The following HECTD4 variants were observed in gnomAD, a reference collection of about 807,000 sequenced individuals.
HECTD4 encodes HECT domain E3 ubiquitin protein ligase 4, also known as probable E3 ubiquitin-protein ligase HECTD4.
Under a neutral mutation model 471.5 loss-of-function variants are expected in HECTD4, and 114 were observed. That is an observed-to-expected ratio of 0.24 (90% confidence interval 0.21 to 0.28). HECTD4 has a LOEUF of 0.28. Ranked by LOEUF, HECTD4 falls within the 10% of genes least tolerant of loss-of-function variation. HECTD4 has a pLI of 1.00. For missense variants in HECTD4, 3,866 were observed against 5,651.5 expected (o/e 0.68, Z 10.13); for synonymous variants, 2,012 against 2,256.0 (o/e 0.89, Z 3.07).
Position 112,163,742 on chromosome 12 carries a change from C to G in HECTD4, c.12702-5G>C. On this transcript the variant is annotated splice_polypyrimidine_tract_variant and splice_region_variant and intron_variant, in intron 73 of 75. Transcript: ENST00000682272. The surrounding 1 kb of genome is among the most constrained non-coding windows in gnomAD (Gnocchi z 8.2). ...TAGATGTCCTTGTTCTCCCACCTGC[C>G]CGGGTGAGGAGCACAGGTGAGGGAG... The G allele has an allele frequency of 6.8e-7, 1 of 1,460,574 alleles. No homozygotes were observed. The allele number at this position is 1,460,574 out of a possible 1,614,324, so 90.5% of individuals were successfully genotyped here. A position where few individuals can be genotyped will look rare whatever the true frequency, so the allele number is the denominator to read the frequency against.
At chr12:112,259,073 GC>G in intron 19 of HECTD4, 38 bp downstream of exon 19, 1 of 1,558,590 alleles carries the variant, frequency 6.4e-7, no homozygotes. Context: ...AAGCAGGTTG[GC>G]CAAAAAGCAG....
intron 16 of HECTD4, 81 bp downstream of exon 16, chr12:112,265,094 T>TACACAC: frequency 7.6e-7 from 1 of 1,317,934 alleles, no homozygotes; most frequent in South Asian, 1.5e-5. Flanking sequence ...TCTGTATGTA[T>TACACAC]ACACACACCT....
At position 112,355,287 on chromosome 12, in the gene HECTD4, CAAAAAA is replaced by C. The variant is rs1310033896; in HGVS notation, c.177+26659_177+26664del. On this transcript the variant is annotated intron_variant, in intron 1 of 75. Transcript: ENST00000682272. The stretch of plus-strand genomic sequence containing the variant: ...ACCGCGCCGGGCGCCAAATGGGATT[CAAAAAA>C]AAAAAAAAAAAAAAATTGTGGGCCA... Among the ~76,000 whole-genome samples, 507 of 111,422 alleles carry C rather than the reference CAAAAAA, an allele frequency of 4.6e-3. 2 individuals are homozygous for C. Among genetic ancestry groups the C allele is most frequent in the African/African-American group, 0.016 (445 of 28,378 alleles). The allele number at this position is 111,422 out of a possible 152,430, so 73.1% of individuals were successfully genotyped here. A position where few individuals can be genotyped will look rare whatever the true frequency, so the allele number is the denominator to read the frequency against.
chr12:112,358,905 G>A (rs954533191), intron 1 of HECTD4, among the ~76,000 whole-genome samples: 38 of 152,118 alleles, frequency 2.5e-4, no homozygotes, highest in African/African-American at 8.7e-4. Flanking sequence ...GCCGGGCGCG[G>A]TGGCTCATGC....
chr12:112,279,476 C>A (rs547877981), intron 8 of HECTD4, 90 bp from the exon 9 acceptor site: 872 of 1,094,192 alleles, frequency 8.0e-4, no homozygotes, highest in Non-Finnish European at 1.0e-3. Flanking sequence ...ATGAGGGAGA[C>A]CCAAACTCAA....
intron 46 of HECTD4, 48 bp downstream of exon 46, chr12:112,216,986 C>G (rs1353324545): frequency 6.3e-7 from 1 of 1,595,014 alleles, no homozygotes; most frequent in Non-Finnish European, 8.6e-7. Flanking sequence ...CCTGCTTTTT[C>G]TTTCAAATCT....
Position 112,176,749 on chromosome 12 carries a change from C to G in HECTD4, c.11364-47G>C, listed in dbSNP as rs748705555. 1.1e-5 allele frequency: 14 copies of G among 1,317,270 alleles called. No homozygotes were observed. In the Admixed American group the frequency reaches 2.4e-4, roughly 22 times the overall value. 81.6% of individuals were successfully genotyped at this position (1,317,270 alleles called of 1,614,324 possible). Reference sequence around the variant, plus strand: ...TTAGACTAATGCACGTTCACACCTCCTCCCGATAGGAAATACACAGCCTCA... The same window carrying G: ...TTAGACTAATGCACGTTCACACCTCGTCCCGATAGGAAATACACAGCCTCA... On this transcript the variant is annotated intron_variant, in intron 64 of 75. Transcript: ENST00000682272.
chr12:112,246,011 A>C (rs1341958411), intron 29 of HECTD4, among the ~76,000 whole-genome samples: 1 of 152,150 alleles, frequency 6.6e-6, no homozygotes, highest in Non-Finnish European at 1.5e-5. Context: ...GAGCGCCTGT[A>C]ATCCCACCTA....
chr12:112,263,999 A>T, intron 17 of HECTD4, 85 bp downstream of exon 17: 1 of 1,290,626 alleles, frequency 7.7e-7, no homozygotes, highest in Non-Finnish European at 1.0e-6. Context: ...GTGAATTCTG[A>T]CATCATAAAA....
intron 40 of HECTD4, among the ~76,000 whole-genome samples, chr12:112,230,135 T>C (rs2033342462): frequency 6.6e-6 from 1 of 152,234 alleles, no homozygotes; most frequent in Non-Finnish European, 1.5e-5. Flanking sequence ...AACAATCATT[T>C]ATCTGAAGGA....
chr12:112,235,710 C>T lies in HECTD4; in HGVS notation c.5519G>A (p.Arg1840His). Residue 1840 changes from arginine to histidine, a missense_variant, in exon 36 of 76, where the codon CGC becomes CAC. Physicochemically the swap from Arg to His is conservative, Grantham distance 29. This residue lies in a region of HECTD4 where 12 missense variants were observed against 48.0 expected (regional missense o/e 0.25). Coordinates refer to ENST00000682272, the MANE Select transcript of HECTD4 (RefSeq NM_001388303.1). This position sits in a 1 kb window ranked among gnomAD's most constrained non-coding sequence, Gnocchi z 5.0. ...AATAAGGACTAGCTTTGGAGACGGG[C>T]GTTGGTCAAGCAGCAGGGAGAGGAG... ...SKLLSLLLDQ[R>H]PSPKLVLIIL... 6.2e-7 allele frequency: 1 copy of T among 1,613,898 alleles called. No individual in the cohort carries two copies. The highest frequency in any genetic ancestry group is 8.5e-7 in the Non-Finnish European group (1 of 1,179,858).
chr12:112,372,642 C>T (rs1594084118), intron 1 of HECTD4, among the ~76,000 whole-genome samples: 1 of 152,090 alleles, frequency 6.6e-6, no homozygotes, highest in South Asian at 2.1e-4. Context: ...GTTGCCCAGG[C>T]TGGTCTTGAA....
At chr12:112,255,728 A>G (rs114462614) in intron 21 of HECTD4, among the ~76,000 whole-genome samples, 2,194 of 152,290 alleles carry the variant, frequency 0.014, 58 homozygotes, top group African/African-American at 0.051. Context: ...CCCTAAGACC[A>G]CATGACAGGT....
At chr12:112,309,791 A>T in intron 4 of HECTD4, 122 bp from the exon 5 acceptor site, 1 of 527,014 alleles carries the variant, frequency 1.9e-6, no homozygotes, top group Non-Finnish European at 3.3e-6. Context: ...CACTTCTAAA[A>T]TAAGAGCTTC....
chr12:112,219,727 G>A, intron 44 of HECTD4: 1 of 318,542 alleles, frequency 3.1e-6, no homozygotes, highest in Non-Finnish European at 5.7e-6. Context: ...AGCCTCCCAA[G>A]TAGCTGGGAT....
At position 112,243,502 on chromosome 12, in the gene HECTD4, G is replaced by C. The variant is rs1252176917; in HGVS notation, c.4809C>G (p.Phe1603Leu). The change falls in exon 32 of 76, where the codon TTC becomes TTG. Residue 1603 changes from phenylalanine to leucine, a missense_variant. By Grantham distance (22) the Phe-to-Leu change is conservative. This residue lies in a region of HECTD4 where 229 missense variants were observed against 386.4 expected (regional missense o/e 0.59). Coordinates refer to ENST00000682272, the MANE Select transcript of HECTD4 (RefSeq NM_001388303.1). This position sits in a 1 kb window ranked among gnomAD's most constrained non-coding sequence, Gnocchi z 6.6. ...NPDQAVSSSS[F>L]LLAAQTRWRR... is the part of the protein sequence containing the mutation. ...GCCACCTTGTCTGTGCAGCCAAAAGGAAACTGCTGCTGGACACCTGAAACA... is the reference window on the plus strand; with the variant it reads ...GCCACCTTGTCTGTGCAGCCAAAAGCAAACTGCTGCTGGACACCTGAAACA... 1 of 1,605,608 alleles carries C rather than the reference G, an allele frequency of 6.2e-7. No individual in the cohort carries two copies.
At chr12:112,249,155 G>C (rs2033823358) in intron 25 of HECTD4, among the ~76,000 whole-genome samples, 1 of 152,094 alleles carries the variant, frequency 6.6e-6, no homozygotes, top group Non-Finnish European at 1.5e-5. Context: ...AGGAGTTTGA[G>C]ACCAGACTGG....
At chr12:112,249,340 C>T (rs892487682) in intron 25 of HECTD4, among the ~76,000 whole-genome samples, 1 of 145,796 alleles carries the variant, frequency 6.9e-6, no homozygotes, top group African/African-American at 2.6e-5. Flanking sequence ...TGTGACAGAG[C>T]GAGACTCCCT....
chr12:112,332,520 G>A (rs2035861468), intron 1 of HECTD4, among the ~76,000 whole-genome samples: 1 of 127,452 alleles, frequency 7.8e-6, no homozygotes, highest in African/African-American at 3.1e-5. Flanking sequence ...CAGCCTGGGT[G>A]ACAGATTAAG....
Sources: allele counts gnomAD v4.1 joint callset (sites outside exome capture counted in the v4.1 genomes callset), GRCh38; gene constraint gnomAD v4.1.1; regional missense constraint gnomAD v4.1.1; non-coding constraint Gnocchi (gnomAD v3.1); transcripts MANE v1.5; gene names NCBI Gene and HGNC (gene_info 2026-07-23, HGNC 2026-07-21).